PHF2: variants seen among roughly 807,000 people sequenced by gnomAD.
PHF2 encodes lysine-specific demethylase PHF2.
In PHF2, 27 loss-of-function variants were observed where a neutral mutation model predicts 120.5. The observed-to-expected ratio is 0.22, with a 90% CI of 0.17 to 0.31. PHF2 has a LOEUF of 0.31. Among genes scored for constraint, PHF2 ranks in the 10% least tolerant of loss-of-function variants. PHF2 has a pLI of 1.00. For synonymous variants in PHF2, 568 were observed against 592.5 expected, an observed-to-expected ratio of 0.96 and a Z score of 0.60; for missense variants, 1,024 against 1,434.8, an observed-to-expected ratio of 0.71 and a Z score of 4.63.
chr9:93,620,675 A>G (rs1187677024), intron 1 of PHF2, among the ~76,000 whole-genome samples: 1 of 152,250 alleles, frequency 6.6e-6, no homozygotes, highest in Non-Finnish European at 1.5e-5. Flanking sequence ...TCATCTGCTA[A>G]CATGGCCTTG....
chr9:93,617,052 G>T (rs1367660802), intron 1 of PHF2, among the ~76,000 whole-genome samples: 3 of 152,210 alleles, frequency 2.0e-5, no homozygotes, highest in Non-Finnish European at 4.4e-5. Context: ...AATGCAATCC[G>T]GTTGTGCTGT....
At chr9:93,650,274 C>CA (rs1210494677) in intron 5 of PHF2, among the ~76,000 whole-genome samples, 3 of 152,096 alleles carry the variant, frequency 2.0e-5, no homozygotes, top group African/African-American at 7.2e-5. Context: ...CACTCATACA[C>CA]AGACACTGAC....
Position 93,656,593 on chromosome 9 carries a change from A to C in PHF2, c.1145A>C (p.Lys382Thr), listed in dbSNP as rs139496293. Residue 382 changes from lysine (K) to threonine (T), a missense_variant and splice_region_variant, in exon 9 of 22, where the codon AAA becomes ACA. Around this residue, in one of 2 missense-constraint regions of PHF2, gnomAD observed 347 missense variants for 577.4 expected, o/e 0.60. Coordinates refer to ENST00000359246, the MANE Select transcript of PHF2 (RefSeq NM_005392.4). This position sits in a 1 kb window ranked among gnomAD's most constrained non-coding sequence, Gnocchi z 4.1. ...GGGAAGCACCTGCTGGAGGCATTCA[A>C]AGGTACTGGTCACTCCGGGGTGGGC... ...YMGKHLLEAF[K>T]GSHKSGKQLP... is the part of the protein sequence containing the mutation. The C allele has an allele frequency of 1.2e-6, 2 of 1,610,230 alleles. No individual in the cohort carries two copies. The highest frequency in any genetic ancestry group is 2.7e-5 in the African/African-American group (2 of 74,786).
intron 19 of PHF2, 35 bp downstream of exon 19, chr9:93,675,057 C>T (rs1429760976): frequency 6.6e-7 from 1 of 1,518,794 alleles, no homozygotes; most frequent in Non-Finnish European, 9.1e-7. Context: ...GTCCACCTGA[C>T]ACCCAGTGTG....
chr9:93,631,318 C>T (rs746611849), intron 2 of PHF2, among the ~76,000 whole-genome samples: 13 of 152,122 alleles, frequency 8.5e-5, no homozygotes, highest in African/African-American at 1.9e-4. Flanking sequence ...TTTCAGGTCT[C>T]GACCCTATCC....
chr9:93,657,937 A>C (rs1826489195), intron 9 of PHF2, among the ~76,000 whole-genome samples: 1 of 151,968 alleles, frequency 6.6e-6, no homozygotes, highest in Non-Finnish European at 1.5e-5. Flanking sequence ...TGGGAGGGCC[A>C]ATCTTTCCTC....
At chr9:93,591,107 A>G (rs1825213476) in intron 1 of PHF2, among the ~76,000 whole-genome samples, 1 of 152,170 alleles carries the variant, frequency 6.6e-6, no homozygotes, top group Non-Finnish European at 1.5e-5. Context: ...CATGGGGGCC[A>G]GCAGCCGTGC....
At chr9:93,623,214 T>A (rs1480400713) in intron 1 of PHF2, among the ~76,000 whole-genome samples, 1 of 152,150 alleles carries the variant, frequency 6.6e-6, no homozygotes, top group African/African-American at 2.4e-5. Flanking sequence ...TGGGTCTAAT[T>A]TCTGGGCTGC....
intron 14 of PHF2, among the ~76,000 whole-genome samples, chr9:93,664,318 G>A (rs578136004): frequency 2.6e-5 from 4 of 152,284 alleles, no homozygotes; most frequent in Admixed American, 6.5e-5. Context: ...GATGAGCCTC[G>A]GGGTGAGGCA....
At chr9:93,662,850 G>T in intron 12 of PHF2, 57 bp from the exon 13 acceptor site, 1 of 1,602,004 alleles carries the variant, frequency 6.2e-7, no homozygotes, top group Non-Finnish European at 8.5e-7. Flanking sequence ...TGTGGCTCAA[G>T]AGAGTTCCAC....
intron 1 of PHF2, among the ~76,000 whole-genome samples, chr9:93,622,763 G>C (rs1825845238): frequency 1.3e-5 from 2 of 152,164 alleles, no homozygotes. Context: ...GAGGATCCTG[G>C]TGTCTCTAGC....
In PHF2 at chr9:93,656,691, G is replaced by A. The variant is rs993983778; in HGVS notation, c.1147+96G>A. ...GGCTGACTGTCTGGGTGTGAGTGCC[G>A]CCTTCCTGTGGCCTGAGCAAGTCCT... is the stretch of plus-strand genomic sequence containing the variant. On this transcript the variant is annotated intron_variant, in intron 9 of 21. Coordinates refer to ENST00000359246, the MANE Select transcript of PHF2 (RefSeq NM_005392.4). The surrounding 1 kb of genome is among the most constrained non-coding windows in gnomAD (Gnocchi z 4.1). The A allele has an allele frequency of 8.8e-5, 71 of 806,744 alleles. 1 individual carries two copies. The highest frequency in any genetic ancestry group is 3.7e-4 in the Middle Eastern group (1 of 2,722). The allele number at this position is 806,744 out of a possible 1,614,324, so 50.0% of individuals were successfully genotyped here.
At chr9:93,648,277 G>A (rs115951005) in intron 4 of PHF2, among the ~76,000 whole-genome samples, 2,660 of 152,266 alleles carry the variant, frequency 0.017, 83 homozygotes, top group African/African-American at 0.059. Flanking sequence ...TCTCTGTCCC[G>A]GGTGTTTCCT....
chr9:93,596,390 CTTGA>C (rs1186619703), intron 1 of PHF2, among the ~76,000 whole-genome samples: 13 of 152,020 alleles, frequency 8.6e-5, no homozygotes, highest in Non-Finnish European at 1.9e-4. Flanking sequence ...TGAAGGAGTG[CTTGA>C]ATGAATGAAG....
At chr9:93,676,249 C>A (rs1344780831) in intron 20 of PHF2, among the ~76,000 whole-genome samples, 1 of 152,240 alleles carries the variant, frequency 6.6e-6, no homozygotes, top group East Asian at 1.9e-4. Context: ...CCAGGCCCAA[C>A]CTCATCTGGG....
At position 93,656,079 on chromosome 9, in the gene PHF2, C is replaced by A; in HGVS notation, c.1040+58C>A. ...CCGCAGAGCAGCGTCCTCCCTCTAG[C>A]TGGGTCGGTGCTAGATGCCTTGGGC... On this transcript the variant is annotated intron_variant, in intron 8 of 21. Transcript: ENST00000359246. The surrounding 1 kb of genome is among the most constrained non-coding windows in gnomAD (Gnocchi z 4.1). 6.9e-7 allele frequency: 1 copy of A among 1,449,150 alleles called. No individual in the cohort carries two copies. The highest frequency in any genetic ancestry group is 9.5e-7 in the Non-Finnish European group (1 of 1,050,824). The allele number at this position is 1,449,150 out of a possible 1,614,324, so 89.8% of individuals were successfully genotyped here. A position where few individuals can be genotyped will look rare whatever the true frequency, so the allele number is the denominator to read the frequency against.
Position 93,660,561 on chromosome 9 carries a change from G to T in PHF2, c.1698+1G>T. ...GATGGAGCCGCCCAAGAAGGGCAAG[G>T]TGGGACCCCCTCACCCTGACTCCCC... On this transcript the variant is annotated splice_donor_variant, in intron 12 of 21. Coordinates refer to ENST00000359246, the MANE Select transcript of PHF2 (RefSeq NM_005392.4). LOFTEE classifies it high-confidence loss of function. 6.4e-7 allele frequency: 1 copy of T among 1,553,450 alleles called. No homozygotes were observed. The highest frequency in any genetic ancestry group is 8.7e-7 in the Non-Finnish European group (1 of 1,154,900).
intron 2 of PHF2, among the ~76,000 whole-genome samples, chr9:93,636,137 G>C (rs1363711212): frequency 6.6e-6 from 1 of 152,100 alleles, no homozygotes; most frequent in Non-Finnish European, 1.5e-5. Context: ...GAGGGGTCCT[G>C]GGAGACCCCA....
Position 93,597,875 on chromosome 9 carries a change from C to T in PHF2, c.98+21004C>T, listed in dbSNP as rs202224001. ...GAACTCTCCCCTCTTCCTCTCAGAT[C>T]TTCCTTTAATTTCCAAATCCCTCCT... On this transcript the variant is annotated intron_variant, in intron 1 of 21. Coordinates refer to ENST00000359246, the MANE Select transcript of PHF2 (RefSeq NM_005392.4). 5.9e-5 allele frequency among the ~76,000 whole-genome samples: 9 copies of T among 152,294 alleles called. No individual in the cohort carries two copies. In the East Asian group the frequency reaches 1.4e-3, roughly 23 times the overall value.
Sources: gnomAD v4.1 joint callset for allele counts (sites outside exome capture counted in the v4.1 genomes callset) on GRCh38, gnomAD v4.1.1 for gene constraint, gnomAD v4.1.1 regional missense constraint, Gnocchi (gnomAD v3.1) non-coding constraint, MANE v1.5 for transcripts, NCBI Gene and HGNC (gene_info 2026-07-23, HGNC 2026-07-21) for gene names.